PLXDC1: variants seen among roughly 807,000 people sequenced by gnomAD.
PLXDC1 encodes plexin domain-containing protein 1.
PLXDC1 carries 39 observed loss-of-function variants against 61.3 expected under a neutral mutation model. The ratio of observed to expected loss-of-function variants is 0.64; its 90% CI spans 0.49 to 0.83. PLXDC1 has a LOEUF of 0.83. Ranked by LOEUF, PLXDC1 falls within the 40% of genes least tolerant of loss-of-function variation. The pLI, the probability that PLXDC1 is intolerant of heterozygous loss-of-function variation, is 0.00. For missense variants in PLXDC1, 596 were observed against 666.5 expected, an observed-to-expected ratio of 0.89 and a Z score of 1.17; for synonymous variants, 212 against 254.5, an observed-to-expected ratio of 0.83 and a Z score of 1.59.
At chr17:39,091,388 G>A (rs1909944542) in intron 7 of PLXDC1, among the ~76,000 whole-genome samples, 1 of 152,168 alleles carries the variant, frequency 6.6e-6, no homozygotes, top group Non-Finnish European at 1.5e-5. Context: ...CTACCAGGAG[G>A]ATGACAGCTC....
intron 7 of PLXDC1, among the ~76,000 whole-genome samples, chr17:39,089,692 C>T (rs1188866021): frequency 2.6e-5 from 4 of 152,192 alleles, no homozygotes; most frequent in Admixed American, 1.3e-4. Flanking sequence ...GTAGGGGCAT[C>T]CACAAAGGGG....
chr17:39,078,960 G>A (rs1388053127), intron 10 of PLXDC1, 144 bp downstream of exon 10: 1 of 675,152 alleles, frequency 1.5e-6, no homozygotes, highest in Non-Finnish European at 2.6e-6. Context: ...AGGCAGTCTG[G>A]AAAACAAATC....
chr17:39,068,041 C>G, intron 13 of PLXDC1, 82 bp from the exon 14 acceptor site: 1 of 1,391,556 alleles, frequency 7.2e-7, no homozygotes. Context: ...CAGAGCCAAC[C>G]AAGACTGTCT....
At chr17:39,077,116 C>T (rs1909369938) in intron 11 of PLXDC1, among the ~76,000 whole-genome samples, 1 of 152,166 alleles carries the variant, frequency 6.6e-6, no homozygotes, top group African/African-American at 2.4e-5. Flanking sequence ...GGTCTGCTCA[C>T]CTCAGCCTCC....
Position 39,151,546 on chromosome 17 carries a change from G to C in PLXDC1, c.-109C>G. On this transcript the variant is annotated 5_prime_UTR_variant, in exon 1 of 14. Transcript: ENST00000315392. The surrounding 1 kb of genome is among the most constrained non-coding windows in gnomAD (Gnocchi z 5.2). ...CGGTCCCCGGGGCTGGCGGAGGGGC[G>C]GGCGGCGAGGAGACGGCGGAGCGCG... 1 of 1,211,724 alleles carries C rather than the reference G, an allele frequency of 8.3e-7. No homozygotes were observed. Among genetic ancestry groups the C allele is most frequent in the South Asian group, 4.1e-5 (1 of 24,162 alleles). The allele number at this position is 1,211,724 out of a possible 1,614,324, so 75.1% of individuals were successfully genotyped here. A position where few individuals can be genotyped will look rare whatever the true frequency, so the allele number is the denominator to read the frequency against.
At chr17:39,093,844 T>C (rs1436297325) in intron 7 of PLXDC1, among the ~76,000 whole-genome samples, 3 of 152,052 alleles carry the variant, frequency 2.0e-5, no homozygotes, top group Non-Finnish European at 2.9e-5. Flanking sequence ...TATCAGGCAG[T>C]AACTGCCGGG....
chr17:39,092,338 C>T (rs12943389), intron 7 of PLXDC1, among the ~76,000 whole-genome samples: 50,364 of 151,996 alleles, frequency 0.33, 8,869 homozygotes, highest in Admixed American at 0.44. Flanking sequence ...CCTCCCAAAG[C>T]GCTGAGGTTC....
intron 2 of PLXDC1, among the ~76,000 whole-genome samples, chr17:39,133,979 C>G (rs1911647435): frequency 6.6e-6 from 1 of 151,884 alleles, no homozygotes; most frequent in Non-Finnish European, 1.5e-5. Flanking sequence ...AAAAATAGGC[C>G]AGGTGCAGTG....
At chr17:39,085,437 G>A (rs572892796) in intron 8 of PLXDC1, among the ~76,000 whole-genome samples, 3 of 152,348 alleles carry the variant, frequency 2.0e-5, no homozygotes, top group African/African-American at 2.4e-5. Flanking sequence ...ATGGTATGTC[G>A]AATCAATATA....
Position 39,108,890 on chromosome 17 carries a change from C to T in PLXDC1, c.469+14G>A, listed in dbSNP as rs373991248. ...TCTCCAGACTCTCCCCGGGGCCCCA[C>T]GACGTGGCCTTACCTCCAGTTGCTA... On this transcript the variant is annotated intron_variant, in intron 4 of 13. Coordinates refer to ENST00000315392, the MANE Select transcript of PLXDC1 (RefSeq NM_020405.5). 2.5e-6 allele frequency: 4 copies of T among 1,605,874 alleles called. No individual in the cohort carries two copies. The highest frequency in any genetic ancestry group is 8.5e-7 in the Non-Finnish European group (1 of 1,173,578).
intron 2 of PLXDC1, among the ~76,000 whole-genome samples, chr17:39,128,117 A>ATATATATATATATATATATATATG (rs1419979117): frequency 6.6e-4 from 64 of 96,384 alleles, no homozygotes; most frequent in African/African-American, 3.0e-3. Flanking sequence ...ATATATATGT[A>ATATATATATATATATATATATATG]TATATATATG....
intron 7 of PLXDC1, among the ~76,000 whole-genome samples, chr17:39,101,913 A>T (rs1319397932): frequency 6.6e-6 from 1 of 152,204 alleles, no homozygotes; most frequent in African/African-American, 2.4e-5. Context: ...GAGCAAGTCT[A>T]TGCCTGCTTA....
chr17:39,130,426 C>G (rs747362157), intron 2 of PLXDC1, among the ~76,000 whole-genome samples: 2 of 152,146 alleles, frequency 1.3e-5, no homozygotes, highest in Non-Finnish European at 2.9e-5. Flanking sequence ...GCATTCCAAC[C>G]TGGGCAACAG....
At chr17:39,097,262 C>G (rs1324639438) in intron 7 of PLXDC1, among the ~76,000 whole-genome samples, 1 of 152,182 alleles carries the variant, frequency 6.6e-6, no homozygotes, top group African/African-American at 2.4e-5. Context: ...GTGACGCCAC[C>G]CATTCTGTAT....
At chr17:39,120,572 C>T (rs925424468) in intron 2 of PLXDC1, among the ~76,000 whole-genome samples, 4 of 151,524 alleles carry the variant, frequency 2.6e-5, no homozygotes, top group Admixed American at 2.6e-4. Flanking sequence ...TTCTTTTCCA[C>T]TGACTCCAAG....
Position 39,151,348 on chromosome 17 carries a change from C to T in PLXDC1, c.76+14G>A. The stretch of plus-strand genomic sequence containing the variant: ...CGCCCCCGGCCCACCCGGGCCGGCT[C>T]CCGCCAGTCCTACCTGCTCCGGGCT... On this transcript the variant is annotated intron_variant, in intron 1 of 13. Coordinates refer to ENST00000315392, the MANE Select transcript of PLXDC1 (RefSeq NM_020405.5). This position sits in a 1 kb window ranked among gnomAD's most constrained non-coding sequence, Gnocchi z 5.2. 1 of 1,277,672 alleles carries T rather than the reference C, an allele frequency of 7.8e-7. No individual in the cohort carries two copies. The highest frequency in any genetic ancestry group is 9.9e-7 in the Non-Finnish European group (1 of 1,011,596). The allele number at this position is 1,277,672 out of a possible 1,614,324, so 79.1% of individuals were successfully genotyped here.
At chr17:39,133,097 T>C (rs1911617754) in intron 2 of PLXDC1, among the ~76,000 whole-genome samples, 1 of 152,160 alleles carries the variant, frequency 6.6e-6, no homozygotes, top group Non-Finnish European at 1.5e-5. Context: ...ACAGTGATGC[T>C]GAGCTGTCAG....
intron 13 of PLXDC1, among the ~76,000 whole-genome samples, chr17:39,068,537 T>C (rs1396803569): frequency 6.6e-6 from 1 of 152,100 alleles, no homozygotes; most frequent in Non-Finnish European, 1.5e-5. Context: ...ATTAGCTGAG[T>C]GTGGTGGCAC....
intron 2 of PLXDC1, among the ~76,000 whole-genome samples, chr17:39,135,024 C>T (rs576439736): frequency 6.6e-6 from 1 of 152,252 alleles, no homozygotes; most frequent in Non-Finnish European, 1.5e-5. Flanking sequence ...TGCTGCTAAA[C>T]CACATCTCTC....
Sources: allele counts gnomAD v4.1 joint callset (sites outside exome capture counted in the v4.1 genomes callset), GRCh38; gene constraint gnomAD v4.1.1; non-coding constraint Gnocchi (gnomAD v3.1); transcripts MANE v1.5; gene names NCBI Gene and HGNC (gene_info 2026-07-23, HGNC 2026-07-21).